The following ATXN1 variants were observed in gnomAD, a reference collection of about 807,000 sequenced individuals.
ATXN1 encodes the protein ataxin 1, also known as ataxin-1.
Under a neutral mutation model 56.4 loss-of-function variants are expected in ATXN1, and 8 were observed. The observed-to-expected ratio is 0.14, with a 90% confidence interval of 0.08 to 0.26. The LOEUF (loss-of-function observed/expected upper bound fraction) is 0.26. Ranked by LOEUF, ATXN1 falls within the 10% of genes least tolerant of loss-of-function variation. The pLI is 1.00. For missense variants in ATXN1, 987 were observed against 1,106.5 expected, an observed-to-expected ratio of 0.89 and a Z score of 1.53; for synonymous variants, 514 against 494.6, an observed-to-expected ratio of 1.04 and a Z score of -0.52.
chr6:16,708,098 AAAACT>A (rs1759445106), intron 2 of ATXN1, among the ~76,000 whole-genome samples: 6 of 152,202 alleles, frequency 3.9e-5, no homozygotes, highest in African/African-American at 1.4e-4. Context: ...CAATGACATT[AAAACT>A]AAAAGATTTT....
intron 4 of ATXN1, among the ~76,000 whole-genome samples, chr6:16,546,248 G>C (rs1761812547): frequency 6.6e-6 from 1 of 152,206 alleles, no homozygotes; most frequent in African/African-American, 2.4e-5. Flanking sequence ...ATGGCTGATT[G>C]TGTCTTCAAG....
intron 6 of ATXN1, among the ~76,000 whole-genome samples, chr6:16,476,283 A>G (rs776643777): frequency 2.0e-5 from 3 of 152,218 alleles, no homozygotes; most frequent in Non-Finnish European, 4.4e-5. Flanking sequence ...GGTTGTGAAA[A>G]GAAAAGAATA....
intron 6 of ATXN1, among the ~76,000 whole-genome samples, chr6:16,388,420 T>C (rs574510232): frequency 3.3e-5 from 5 of 152,310 alleles, no homozygotes; most frequent in African/African-American, 9.6e-5. Flanking sequence ...TGAGTAGCAC[T>C]AGATTGTCTG....
intron 6 of ATXN1, among the ~76,000 whole-genome samples, chr6:16,412,740 CTT>C (rs1327551438): frequency 6.6e-6 from 1 of 152,202 alleles, no homozygotes; most frequent in East Asian, 1.9e-4. Flanking sequence ...AATAAAAGGC[CTT>C]TACATATAAA....
At chr6:16,664,295 T>A (rs1263740133) in intron 2 of ATXN1, among the ~76,000 whole-genome samples, 1 of 152,218 alleles carries the variant, frequency 6.6e-6, no homozygotes, top group Non-Finnish European at 1.5e-5. Flanking sequence ...TATGTTTTTT[T>A]AAGAAAGTCA....
chr6:16,586,163 C>T (rs1430361247), intron 3 of ATXN1, among the ~76,000 whole-genome samples: 1 of 152,118 alleles, frequency 6.6e-6, no homozygotes, highest in African/African-American at 2.4e-5. Context: ...GGTTGCTTCC[C>T]ACCCCATCTC....
rs565696128 is a variant in ATXN1, at chr6:16,602,490, G to T, written c.-488-16583C>A. On this transcript the variant is annotated intron_variant, in intron 3 of 7. Coordinates refer to ENST00000436367, the MANE Select transcript of ATXN1 (RefSeq NM_001128164.2). ...TTTTTTAGATGGAGTCTCGCTCTGT[G>T]ACCCAGGCTGGAGTGCAGTGGCATG... is the stretch of plus-strand genomic sequence containing the variant. 1.4e-3 allele frequency among the ~76,000 whole-genome samples: 215 copies of T among 148,378 alleles called. 1 individual carries two copies. Among genetic ancestry groups the T allele is most frequent in the African/African-American group, 4.9e-3 (198 of 40,140 alleles).
intron 3 of ATXN1, among the ~76,000 whole-genome samples, chr6:16,653,402 C>T (rs146713637): frequency 1.4e-3 from 210 of 152,336 alleles, no homozygotes; most frequent in African/African-American, 4.3e-3. Context: ...TTTTCAGCAG[C>T]GGGACCGCTC....
At chr6:16,603,476 G>A (rs1469733099) in intron 3 of ATXN1, among the ~76,000 whole-genome samples, 1 of 152,168 alleles carries the variant, frequency 6.6e-6, no homozygotes, top group Non-Finnish European at 1.5e-5. Flanking sequence ...AGCCTTGAGT[G>A]CTTAGCGGCC....
chr6:16,531,742 G>C (rs996252295), intron 4 of ATXN1, among the ~76,000 whole-genome samples: 14 of 151,712 alleles, frequency 9.2e-5, no homozygotes, highest in African/African-American at 3.4e-4. Context: ...CAAAGGCAAA[G>C]AACACAGCTC....
intron 5 of ATXN1, among the ~76,000 whole-genome samples, chr6:16,488,840 G>A (rs1262657842): frequency 6.6e-6 from 1 of 152,132 alleles, no homozygotes; most frequent in Non-Finnish European, 1.5e-5. Context: ...CAAAGTCTCA[G>A]AGTATAAACC....
chr6:16,356,623 CCTGGAA>C (rs1040472369), intron 6 of ATXN1, among the ~76,000 whole-genome samples: 4 of 152,074 alleles, frequency 2.6e-5, no homozygotes, highest in Admixed American at 1.3e-4. Flanking sequence ...TATGAACTGT[CCTGGAA>C]CTAAAGAAAC....
Position 16,306,395 on chromosome 6 carries a change from AG to A in ATXN1, c.2381del (p.Pro794LeufsTer5). The A allele has an allele frequency of 6.2e-7, 1 of 1,614,166 alleles. No homozygotes were observed. The highest frequency in any genetic ancestry group is 8.5e-7 in the Non-Finnish European group (1 of 1,180,044). On this transcript the variant is annotated frameshift_variant, in exon 8 of 8. Transcript: ENST00000436367. LOFTEE classifies it high-confidence loss of function. This position sits in a 1 kb window ranked among gnomAD's most constrained non-coding sequence, Gnocchi z 5.2. ...CCTCCTGAGGAATTAGAGAAGGCTT[AG>A]GAAGAGTCAAAGGTGGTTCGTCTTC... is the stretch of plus-strand genomic sequence containing the variant. ...KSEDEPPLTL[P>X]KPSLIPQEVK...
At chr6:16,644,870 G>A (rs151280648) in intron 3 of ATXN1, among the ~76,000 whole-genome samples, 130 of 152,174 alleles carry the variant, frequency 8.5e-4, no homozygotes, top group Middle Eastern at 3.4e-3. Flanking sequence ...AAATATTTAC[G>A]CTTCCTGATT....
At chr6:16,670,027 G>A (rs954135054) in intron 2 of ATXN1, among the ~76,000 whole-genome samples, 4 of 151,986 alleles carry the variant, frequency 2.6e-5, no homozygotes, top group Non-Finnish European at 4.4e-5. Flanking sequence ...CAGGGTGGGC[G>A]CTCAGAGAGA....
chr6:16,437,419 G>A (rs1008988472), intron 6 of ATXN1, among the ~76,000 whole-genome samples: 8 of 152,158 alleles, frequency 5.3e-5, no homozygotes, highest in African/African-American at 1.9e-4. Context: ...TGCGGCACAG[G>A]TGCACAGCAG....
chr6:16,723,287 G>C (rs981641840), intron 2 of ATXN1, among the ~76,000 whole-genome samples: 3 of 152,044 alleles, frequency 2.0e-5, no homozygotes, highest in African/African-American at 7.2e-5. Flanking sequence ...TAACATCTCT[G>C]GGGACATTTT....
At chr6:16,522,375 C>T (rs1049654566) in intron 5 of ATXN1, among the ~76,000 whole-genome samples, 1 of 152,064 alleles carries the variant, frequency 6.6e-6, no homozygotes, top group East Asian at 1.9e-4. Flanking sequence ...GTAATAGCAA[C>T]AATGATGACC....
chr6:16,559,293 T>C (rs2113736749), intron 4 of ATXN1, among the ~76,000 whole-genome samples: 1 of 152,242 alleles, frequency 6.6e-6, no homozygotes, highest in South Asian at 2.1e-4. Flanking sequence ...CCAGAGATCC[T>C]TGCTGACATA....
Sources: gnomAD v4.1 joint callset for allele counts (sites outside exome capture counted in the v4.1 genomes callset) on GRCh38, gnomAD v4.1.1 for gene constraint, Gnocchi (gnomAD v3.1) non-coding constraint, MANE v1.5 for transcripts, NCBI Gene and HGNC (gene_info 2026-07-23, HGNC 2026-07-21) for gene names.